The following P3H3 variants were observed in gnomAD, a reference collection of about 807,000 sequenced individuals.
P3H3 encodes the protein prolyl 3-hydroxylase 3.
In P3H3, 64 loss-of-function variants were observed where a neutral mutation model predicts 78.1. The observed-to-expected ratio is 0.82, with a 90% CI of 0.67 to 1.01. The LOEUF (loss-of-function observed/expected upper bound fraction) is 1.01. Ranked by LOEUF, P3H3 falls within the 50% of genes least tolerant of loss-of-function variation. The probability of loss-of-function intolerance (pLI) is 0.00; values close to 1 mark genes in which losing one functional copy is unlikely to be tolerated. For missense variants in P3H3, 975 were observed against 982.2 expected, an observed-to-expected ratio of 0.99 and a Z score of 0.10; for synonymous variants, 425 against 416.7, an observed-to-expected ratio of 1.02 and a Z score of -0.24.
rs782375761 is a variant in P3H3, at chr12:6,833,608, C to G, written c.1229C>G (p.Ala410Gly). 11 of 1,613,828 alleles carry G rather than the reference C, an allele frequency of 6.8e-6. No homozygotes were observed. The Admixed American group carries it at 1.8e-4, about 27-fold the overall frequency. ...SFKDPDPWTP[A>G]ALIPEALREK... Reference sequence around the variant, plus strand: ...CTGTCGCAGGACCCCTGGACCCCTGCAGCTCTCATCCCTGAGGCACTTAGA... The same window carrying G: ...CTGTCGCAGGACCCCTGGACCCCTGGAGCTCTCATCCCTGAGGCACTTAGA... The change falls in exon 7 of 15, where the codon GCA (alanine) becomes GGA (glycine). Residue 410 changes from alanine (A) to glycine (G), a missense_variant. Physicochemically the swap from Ala to Gly is moderately conservative, Grantham distance 60. Transcript: ENST00000290510.
intron 9 of P3H3, among the ~76,000 whole-genome samples, chr12:6,836,492 G>T (rs781870018): frequency 6.6e-6 from 1 of 152,302 alleles, no homozygotes; most frequent in South Asian, 2.1e-4. Context: ...GGAGTCCACA[G>T]TTTCTCCGAG....
intron 6 of P3H3, 26 bp from the exon 7 acceptor site, chr12:6,833,566 G>A (rs1555121704): frequency 6.2e-7 from 1 of 1,611,876 alleles, no homozygotes; most frequent in Admixed American, 1.7e-5. Flanking sequence ...CTTGGTGGGT[G>A]ATGATGCTTT....
At position 6,839,219 on chromosome 12, in the gene P3H3, T is replaced by C. The variant is rs1004340210; in HGVS notation, c.2047-78T>C. The C allele has an allele frequency of 1.2e-5, 19 of 1,560,198 alleles. No individual in the cohort carries two copies. The South Asian group carries it at 2.1e-4, about 17-fold the overall frequency. ...AAGGAGCCCCCGAGAAGGCTCACAG[T>C]CGGTGAGGGTCAGGGGCTGAGCTGA... On this transcript the variant is annotated intron_variant, in intron 14 of 14. Transcript: ENST00000290510.
intron 6 of P3H3, among the ~76,000 whole-genome samples, chr12:6,832,856 A>C (rs11064424): frequency 1 from 150,152 of 150,156 alleles, 75,074 homozygotes; most frequent in Middle Eastern, 1. Context: ...CCCGCCTCGG[A>C]CCCCCAAAGA....
chr12:6,830,461 C>A lies in P3H3; in HGVS notation c.760C>A (p.Arg254Ser), dbSNP rs781947807. 6.3e-7 allele frequency: 1 copy of A among 1,587,776 alleles called. No homozygotes were observed. The highest frequency in any genetic ancestry group is 2.3e-5 in the East Asian group (1 of 43,708). Residue 254 changes from arginine (R) to serine (S), a missense_variant, in exon 3 of 15, where the codon CGT (arginine) becomes AGT (serine). Physicochemically the swap from Arg to Ser is moderately radical, Grantham distance 110 (BLOSUM62 -1). Coordinates refer to ENST00000290510, the MANE Select transcript of P3H3 (RefSeq NM_014262.5). ...QGSLAQMESC[R>S]ADCEGPEEQQ... Reference sequence around the variant, plus strand: ...GAGCCTGGCCCAGATGGAGAGCTGCCGTGCTGACTGTGAGGGGCCTGAGGA... The same window carrying A: ...GAGCCTGGCCCAGATGGAGAGCTGCAGTGCTGACTGTGAGGGGCCTGAGGA...
In P3H3 at chr12:6,828,830, A is replaced by G; in HGVS notation, c.390A>G (p.Ala130=). The change falls in exon 1 of 15, where the codon GCA becomes GCG. Residue 130 remains alanine (A), a synonymous_variant. Coordinates refer to ENST00000290510, the MANE Select transcript of P3H3 (RefSeq NM_014262.5). The part of the protein sequence containing the change: ...RRADCLTQCA[A]RRLGPGGAAR... ...CAGACTGCCTGACCCAGTGCGCAGC[A>G]CGGAGGCTGGGCCCCGGGGGCGCGG... 1.6e-6 allele frequency: 2 copies of G among 1,242,106 alleles called. No individual in the cohort carries two copies. The highest frequency in any genetic ancestry group is 2.0e-6 in the Non-Finnish European group (2 of 992,886). 76.9% of individuals were successfully genotyped at this position (1,242,106 alleles called of 1,614,324 possible).
Position 6,839,387 on chromosome 12 carries a change from G to A in P3H3, c.2137G>A (p.Glu713Lys). Reference sequence around the variant, plus strand: ...AATGCCCAGCAAAGACCCTTCCCCAGAGCCCCCTAGCCGCAGGCACCAGAG... The same window carrying A: ...AATGCCCAGCAAAGACCCTTCCCCAAAGCCCCCTAGCCGCAGGCACCAGAG... Reference protein sequence around the residue: ...EEMPSKDPSPEPPSRRHQRVQ... With the variant: ...EEMPSKDPSPKPPSRRHQRVQ... Residue 713 changes from glutamate to lysine, a missense_variant, in exon 15 of 15, where the codon GAG (glutamate) becomes AAG (lysine). Physicochemically the swap from Glu to Lys is moderately conservative, Grantham distance 56 (BLOSUM62 1). Coordinates refer to ENST00000290510, the MANE Select transcript of P3H3 (RefSeq NM_014262.5). 2 of 1,552,712 alleles carry A rather than the reference G, an allele frequency of 1.3e-6. No individual in the cohort carries two copies. Among genetic ancestry groups the A allele is most frequent in the Non-Finnish European group, 1.7e-6 (2 of 1,147,568 alleles).
Position 6,829,962 on chromosome 12 carries a change from C to CGGGAGT in P3H3, c.603_608dup (p.Gly202_Val203dup). 1 of 1,613,994 alleles carries CGGGAGT rather than the reference C, an allele frequency of 6.2e-7. No homozygotes were observed. Among genetic ancestry groups the CGGGAGT allele is most frequent in the Non-Finnish European group, 8.5e-7 (1 of 1,179,874 alleles). On this transcript the variant is annotated inframe_insertion, in exon 2 of 15. Transcript: ENST00000290510. This position sits in a 1 kb window ranked among gnomAD's most constrained non-coding sequence, Gnocchi z 5.1. The stretch of plus-strand genomic sequence containing the variant: ...GACATGGCTAAGTACAGACGAATGT[C>CGGGAGT]GGGAGTTCGGCCCCAGAGCTTCCGG...
chr12:6,832,896 A>C (rs1555121650), intron 6 of P3H3, among the ~76,000 whole-genome samples: 2 of 62,664 alleles, frequency 3.2e-5, no homozygotes, highest in African/African-American at 1.2e-4. Context: ...AGCCACCGGA[A>C]CCCGGCCTGC....
rs782658567 is a variant in P3H3, at chr12:6,830,028, C to T, written c.651+17C>T. On this transcript the variant is annotated intron_variant, in intron 2 of 14. Transcript: ENST00000290510. The stretch of plus-strand genomic sequence containing the variant: ...CCACACTGGGTGAGAATCCCAGCAC[C>T]ACCCCTGTCTTGCCACCAGCCTTTT... The T allele has an allele frequency of 6.2e-7, 1 of 1,613,298 alleles. No individual in the cohort carries two copies. Among genetic ancestry groups the T allele is most frequent in the Admixed American group, 1.7e-5 (1 of 59,946 alleles).
At position 6,837,466 on chromosome 12, in the gene P3H3, T is replaced by C. The variant is rs782568096; in HGVS notation, c.1604T>C (p.Leu535Pro). ...GTVGSQGAKL[L>P]LEVSERVRTL... ...GTGGGCAGTCAGGGTGCTAAGCTGCTTCTGGAGGTGAGCGAGCGGGTGCGG... is the reference window on the plus strand; with the variant it reads ...GTGGGCAGTCAGGGTGCTAAGCTGCCTCTGGAGGTGAGCGAGCGGGTGCGG... Residue 535 changes from leucine (L) to proline (P), a missense_variant, in exon 11 of 15, where the codon CTT becomes CCT. Transcript: ENST00000290510. The C allele has an allele frequency of 6.2e-7, 1 of 1,612,026 alleles. No individual in the cohort carries two copies. The highest frequency in any genetic ancestry group is 8.5e-7 in the Non-Finnish European group (1 of 1,179,208).
chr12:6,833,376 C>T, intron 6 of P3H3: 1 of 580,182 alleles, frequency 1.7e-6, no homozygotes, highest in Non-Finnish European at 3.1e-6. Context: ...CTTAGAATAG[C>T]CCCTAGCAGA....
chr12:6,835,562 C>A (rs1943487717), intron 9 of P3H3, among the ~76,000 whole-genome samples: 1 of 151,780 alleles, frequency 6.6e-6, no homozygotes, highest in Admixed American at 6.6e-5. Flanking sequence ...CCAGCCTGGG[C>A]AACAAGATCA....
Position 6,831,463 on chromosome 12 carries a change from C to CA in P3H3, c.1122+112dup. 7.0e-7 allele frequency: 1 copy of CA among 1,433,276 alleles called. No homozygotes were observed. Among genetic ancestry groups the CA allele is most frequent in the Non-Finnish European group, 9.4e-7 (1 of 1,066,414 alleles). 88.8% of individuals were successfully genotyped at this position (1,433,276 alleles called of 1,614,324 possible). A position where few individuals can be genotyped will look rare whatever the true frequency, so the allele number is the denominator to read the frequency against. On this transcript the variant is annotated intron_variant, in intron 5 of 14. Coordinates refer to ENST00000290510, the MANE Select transcript of P3H3 (RefSeq NM_014262.5). The surrounding 1 kb of genome is among the most constrained non-coding windows in gnomAD (Gnocchi z 4.6). Reference sequence around the variant, plus strand: ...TGGCCTCTTACCCGAGCACTCTAGTCACCCAAAGGACTCCAAGTCCAGCAT... The same window carrying CA: ...TGGCCTCTTACCCGAGCACTCTAGTCAACCCAAAGGACTCCAAGTCCAGCAT...
At chr12:6,832,547 G>A (rs782098523) in intron 6 of P3H3, among the ~76,000 whole-genome samples, 1 of 152,216 alleles carries the variant, frequency 6.6e-6, no homozygotes, top group Admixed American at 6.5e-5. Flanking sequence ...GGGCAGAAGT[G>A]TCCTGCTTGA....
In P3H3 at chr12:6,839,572, C is replaced by T; in HGVS notation, c.*111C>T. 1 of 1,285,020 alleles carries T rather than the reference C, an allele frequency of 7.8e-7. No individual in the cohort carries two copies. Among genetic ancestry groups the T allele is most frequent in the Non-Finnish European group, 1.1e-6 (1 of 947,756 alleles). The allele number at this position is 1,285,020 out of a possible 1,614,324, so 79.6% of individuals were successfully genotyped here. On this transcript the variant is annotated 3_prime_UTR_variant, in exon 15 of 15. Transcript: ENST00000290510. ...GACATCAGGAGCAGAACAGCAAGCT[C>T]TCTGTCCCTGCACCCCCACCATCTT...
chr12:6,831,964 G>A lies in P3H3; in HGVS notation c.1212+50G>A, dbSNP rs781871242. On this transcript the variant is annotated intron_variant, in intron 6 of 14. Coordinates refer to ENST00000290510, the MANE Select transcript of P3H3 (RefSeq NM_014262.5). The surrounding 1 kb of genome is among the most constrained non-coding windows in gnomAD (Gnocchi z 4.6). The stretch of plus-strand genomic sequence containing the variant: ...CTCACCCCTCCGCACTCCCAGGAGG[G>A]ATGGCACTTTGGTTTGCAACAGAGT... 1.9e-6 allele frequency: 2 copies of A among 1,073,790 alleles called. No homozygotes were observed. The highest frequency in any genetic ancestry group is 1.6e-5 in the African/African-American group (1 of 63,392). The allele number at this position is 1,073,790 out of a possible 1,614,324, so 66.5% of individuals were successfully genotyped here. A position where few individuals can be genotyped will look rare whatever the true frequency, so the allele number is the denominator to read the frequency against.
Position 6,839,607 on chromosome 12 carries a change from C to A in P3H3, c.*146C>A, listed in dbSNP as rs1193511343. 2 of 1,019,598 alleles carry A rather than the reference C, an allele frequency of 2.0e-6. No homozygotes were observed. Among genetic ancestry groups the A allele is most frequent in the Non-Finnish European group, 2.8e-6 (2 of 715,880 alleles). 63.2% of individuals were successfully genotyped at this position (1,019,598 alleles called of 1,614,324 possible). On this transcript the variant is annotated 3_prime_UTR_variant, in exon 15 of 15. Coordinates refer to ENST00000290510, the MANE Select transcript of P3H3 (RefSeq NM_014262.5). Reference sequence around the variant, plus strand: ...GCACCCCCACCATCTTGGGGACCTACAAGGGCCTGGACTCAGAGGACAGTG... The same window carrying A: ...GCACCCCCACCATCTTGGGGACCTAAAAGGGCCTGGACTCAGAGGACAGTG...
Position 6,829,953 on chromosome 12 carries a change from G to A in P3H3, c.593G>A (p.Arg198Lys). Reference protein sequence around the residue: ...LQMREDMAKYRRMSGVRPQSF... With the variant: ...LQMREDMAKYKRMSGVRPQSF... ...ATGCGGGAGGACATGGCTAAGTACA[G>A]ACGAATGTCGGGAGTTCGGCCCCAG... The change falls in exon 2 of 15, where the codon AGA becomes AAA. Residue 198 changes from arginine (R) to lysine (K), a missense_variant. Arg to Lys is a conservative substitution (Grantham distance 26). Coordinates refer to ENST00000290510, the MANE Select transcript of P3H3 (RefSeq NM_014262.5). This position sits in a 1 kb window ranked among gnomAD's most constrained non-coding sequence, Gnocchi z 5.1. 1 of 1,614,028 alleles carries A rather than the reference G, an allele frequency of 6.2e-7. No homozygotes were observed. Among genetic ancestry groups the A allele is most frequent in the Non-Finnish European group, 8.5e-7 (1 of 1,179,898 alleles).
Sources: allele counts gnomAD v4.1 joint callset (sites outside exome capture counted in the v4.1 genomes callset), GRCh38; gene constraint gnomAD v4.1.1; non-coding constraint Gnocchi (gnomAD v3.1); transcripts MANE v1.5; gene names NCBI Gene and HGNC (gene_info 2026-07-23, HGNC 2026-07-21).